ZFHX3: variants seen among roughly 807,000 people sequenced by gnomAD.
ZFHX3 encodes zinc finger homeobox 3, also known as zinc finger homeobox protein 3.
ZFHX3 carries 42 observed loss-of-function variants against 279.1 expected under a neutral mutation model. The observed-to-expected ratio is 0.15, with a 90% CI of 0.12 to 0.19. The LOEUF (loss-of-function observed/expected upper bound fraction) is 0.19, where lower values mean the gene tolerates loss of function less well. ZFHX3 is among the 10% of genes least tolerant of loss of function. The probability of loss-of-function intolerance (pLI) is 1.00; values close to 1 mark genes in which losing one functional copy is unlikely to be tolerated. For missense variants in ZFHX3, 4,981 were observed against 4,754.0 expected (o/e 1.05, Z -1.40); for synonymous variants, 2,293 against 1,957.8 (o/e 1.17, Z -4.52).
intron 7 of ZFHX3, among the ~76,000 whole-genome samples, chr16:73,125,858 G>T (rs1290252138): frequency 6.6e-6 from 1 of 151,738 alleles, no homozygotes; most frequent in African/African-American, 2.4e-5. Context: ...CATTAGTTCT[G>T]TCCCTCTAGA....
At chr16:72,951,795 C>A (rs546961089) in intron 2 of ZFHX3, among the ~76,000 whole-genome samples, 1 of 152,330 alleles carries the variant, frequency 6.6e-6, no homozygotes, top group East Asian at 1.9e-4. Context: ...CAATCTATGG[C>A]TGTGTCATCT....
chr16:73,491,252 C>T (rs1391117562), intron 2 of ZFHX3, among the ~76,000 whole-genome samples: 6 of 152,208 alleles, frequency 3.9e-5, no homozygotes, highest in East Asian at 3.9e-4. Flanking sequence ...GTTATTGTGT[C>T]GGGGGCAGAG....
intron 2 of ZFHX3, among the ~76,000 whole-genome samples, chr16:73,473,375 AAAT>A (rs2018710345): frequency 6.8e-6 from 1 of 147,982 alleles, no homozygotes; most frequent in African/African-American, 2.5e-5. Flanking sequence ...AAAAAAAACA[AAAT>A]AATAAGCTAT....
chr16:73,576,453 C>T (rs1008885471), intron 2 of ZFHX3, among the ~76,000 whole-genome samples: 9 of 152,148 alleles, frequency 5.9e-5, no homozygotes, highest in African/African-American at 2.2e-4. Flanking sequence ...ATAGATAATG[C>T]ACCTATGGCT....
At chr16:72,808,411 T>C (rs2036335806) in intron 7 of ZFHX3, among the ~76,000 whole-genome samples, 1 of 152,208 alleles carries the variant, frequency 6.6e-6, no homozygotes, top group South Asian at 2.1e-4. Context: ...ACTATCCCCA[T>C]GACTGGACAA....
chr16:73,180,847 G>C (rs1029316108), intron 5 of ZFHX3, among the ~76,000 whole-genome samples: 1 of 151,888 alleles, frequency 6.6e-6, no homozygotes, highest in Admixed American at 6.6e-5. Flanking sequence ...ATTTCTAGTT[G>C]AGACAGGGTT....
At chr16:73,841,207 G>C (rs1224325082) in intron 1 of ZFHX3, among the ~76,000 whole-genome samples, 1 of 152,174 alleles carries the variant, frequency 6.6e-6, no homozygotes, top group African/African-American at 2.4e-5. Flanking sequence ...TCAAATTGGA[G>C]AACAGGCAGA....
chr16:73,777,602 A>T (rs1469158993), intron 1 of ZFHX3, among the ~76,000 whole-genome samples: 1 of 151,626 alleles, frequency 6.6e-6, no homozygotes, highest in Non-Finnish European at 1.5e-5. Context: ...CATACATGAC[A>T]CTGTCCCCAA....
chr16:73,077,500 G>A (rs1368539938), intron 8 of ZFHX3, among the ~76,000 whole-genome samples: 2 of 150,968 alleles, frequency 1.3e-5, no homozygotes, highest in Non-Finnish European at 2.9e-5. Context: ...CGTGATTTTA[G>A]CCAATAACAA....
intron 2 of ZFHX3, among the ~76,000 whole-genome samples, chr16:73,458,385 C>A (rs1458224648): frequency 6.8e-6 from 1 of 146,848 alleles, no homozygotes; most frequent in Non-Finnish European, 1.5e-5. Flanking sequence ...CCCTCCCTTC[C>A]TTCCCTCCCT....
chr16:73,132,840 A>T (rs991796285), intron 6 of ZFHX3, among the ~76,000 whole-genome samples: 1 of 152,206 alleles, frequency 6.6e-6, no homozygotes, highest in Admixed American at 6.5e-5. Context: ...AATCAGGAGG[A>T]GAGGGAAGAC....
intron 4 of ZFHX3, among the ~76,000 whole-genome samples, chr16:72,841,784 C>A (rs1273597318): frequency 1.3e-5 from 2 of 152,196 alleles, no homozygotes; most frequent in East Asian, 3.8e-4. Flanking sequence ...CAATACATTC[C>A]ATTCCACAAA....
At chr16:73,833,909 T>C (rs1412968340) in intron 1 of ZFHX3, among the ~76,000 whole-genome samples, 3 of 151,596 alleles carry the variant, frequency 2.0e-5, no homozygotes, top group Non-Finnish European at 2.9e-5. Flanking sequence ...TGTATGTGTG[T>C]ATATGTAATC....
At chr16:73,541,816 T>TTTTTTTC (rs1567514251) in intron 2 of ZFHX3, among the ~76,000 whole-genome samples, 1 of 132,534 alleles carries the variant, frequency 7.5e-6, no homozygotes, top group African/African-American at 3.0e-5. Flanking sequence ...TTTTTTTTTT[T>TTTTTTTC]CCCTGAGATG....
At chr16:73,398,125 G>A (rs768431635) in intron 3 of ZFHX3, among the ~76,000 whole-genome samples, 3 of 152,184 alleles carry the variant, frequency 2.0e-5, no homozygotes, top group Non-Finnish European at 4.4e-5. Flanking sequence ...GATTACAGGC[G>A]TGAGCCACTG....
chr16:73,434,310 G>T (rs2017960666), intron 3 of ZFHX3, among the ~76,000 whole-genome samples: 1 of 152,198 alleles, frequency 6.6e-6, no homozygotes, highest in African/African-American at 2.4e-5. Flanking sequence ...TGAGATGAAA[G>T]GTGAACGGGA....
chr16:73,269,474 T>C (rs1020885829), intron 4 of ZFHX3, among the ~76,000 whole-genome samples: 4 of 152,238 alleles, frequency 2.6e-5, no homozygotes, highest in African/African-American at 7.2e-5. Flanking sequence ...TTGAGATCCA[T>C]CTATGTTCCC....
chr16:73,659,614 G>C (rs1399028997), intron 2 of ZFHX3, among the ~76,000 whole-genome samples: 1 of 152,056 alleles, frequency 6.6e-6, no homozygotes, highest in Non-Finnish European at 1.5e-5. Flanking sequence ...CCCTGAAATA[G>C]AAATACAGTA....
intron 3 of ZFHX3, among the ~76,000 whole-genome samples, chr16:73,418,457 T>C (rs1357607398): frequency 1.3e-5 from 2 of 152,230 alleles, no homozygotes; most frequent in East Asian, 3.9e-4. Flanking sequence ...ACATCTTTGT[T>C]CAGGCTGTGT....
Sources: gnomAD v4.1 joint callset for allele counts (sites outside exome capture counted in the v4.1 genomes callset) on GRCh38, gnomAD v4.1.1 for gene constraint, MANE v1.5 for transcripts, NCBI Gene and HGNC (gene_info 2026-07-23, HGNC 2026-07-21) for gene names.